DGKB: variants seen among roughly 807,000 people sequenced by gnomAD.
DGKB encodes diacylglycerol kinase beta.
In DGKB, 67 loss-of-function variants were observed where a neutral mutation model predicts 114.3. That is an observed-to-expected ratio of 0.59 (90% CI 0.48 to 0.72). The LOEUF (loss-of-function observed/expected upper bound fraction) is 0.72. Ranked by LOEUF, DGKB falls within the 30% of genes least tolerant of loss-of-function variation. DGKB has a pLI of 0.00. For missense variants in DGKB, 907 were observed against 975.2 expected (o/e 0.93, Z 0.93); for synonymous variants, 398 against 323.1 (o/e 1.23, Z -2.49).
At chr7:14,382,452 AC>A (rs1182274729) in intron 21 of DGKB, among the ~76,000 whole-genome samples, 2 of 19,076 alleles carry the variant, frequency 1.0e-4, no homozygotes, top group Non-Finnish European at 4.9e-4. Context: ...GCATGCCTGT[AC>A]ACACACACAC....
chr7:14,177,376 G>A (rs1297806599), intron 24 of DGKB, among the ~76,000 whole-genome samples: 2 of 151,814 alleles, frequency 1.3e-5, no homozygotes, highest in South Asian at 2.1e-4. Flanking sequence ...CCAACATGGT[G>A]AAACCCCATC....
chr7:14,164,485 G>A (rs929992613), intron 25 of DGKB, among the ~76,000 whole-genome samples: 15 of 152,214 alleles, frequency 9.9e-5, no homozygotes, highest in African/African-American at 3.6e-4. Context: ...AGATTCAAGA[G>A]TTATGTAACT....
At chr7:14,245,545 A>T (rs1165358964) in intron 23 of DGKB, among the ~76,000 whole-genome samples, 1 of 152,160 alleles carries the variant, frequency 6.6e-6, no homozygotes, top group Non-Finnish European at 1.5e-5. Flanking sequence ...TGGCAAGACT[A>T]ATGGTATAAT....
chr7:14,767,207 A>G (rs533363359), intron 2 of DGKB, among the ~76,000 whole-genome samples: 2 of 151,820 alleles, frequency 1.3e-5, no homozygotes, highest in East Asian at 1.9e-4. Flanking sequence ...AAAATAAAAA[A>G]TTAAAAAAAA....
chr7:14,527,730 T>C (rs1790871363), intron 20 of DGKB, among the ~76,000 whole-genome samples: 1 of 152,140 alleles, frequency 6.6e-6, no homozygotes, highest in Admixed American at 6.6e-5. Flanking sequence ...AGAATTATAA[T>C]GTTTATAAAA....
At chr7:14,247,619 G>A (rs548735366) in intron 23 of DGKB, among the ~76,000 whole-genome samples, 1 of 151,962 alleles carries the variant, frequency 6.6e-6, no homozygotes, top group East Asian at 1.9e-4. Flanking sequence ...GCATTTCTTC[G>A]CATATCTTTT....
chr7:14,313,420 A>C (rs536647740), intron 23 of DGKB, among the ~76,000 whole-genome samples: 57 of 151,834 alleles, frequency 3.8e-4, no homozygotes, highest in Middle Eastern at 6.8e-3. Flanking sequence ...GTGTGCGCAC[A>C]GTGCGCGAGC....
intron 1 of DGKB, among the ~76,000 whole-genome samples, chr7:14,971,545 C>T (rs558894339): frequency 2.6e-4 from 39 of 152,082 alleles, no homozygotes; most frequent in East Asian, 1.6e-3. Flanking sequence ...CATATTCTAA[C>T]GGCAAGACAG....
chr7:14,394,664 C>G (rs1254200719), intron 21 of DGKB, among the ~76,000 whole-genome samples: 1 of 63,956 alleles, frequency 1.6e-5, no homozygotes, highest in Non-Finnish European at 7.4e-5. Context: ...CCATCAATGA[C>G]CATTTTTTTT....
At chr7:14,244,382 C>T (rs10215549) in intron 23 of DGKB, among the ~76,000 whole-genome samples, 74 of 152,112 alleles carry the variant, frequency 4.9e-4, no homozygotes, top group African/African-American at 1.5e-3. Context: ...GCTGGCCGGG[C>T]GCGGTGGCTC....
chr7:14,783,694 T>C (rs1254252467), intron 2 of DGKB, among the ~76,000 whole-genome samples: 2 of 152,190 alleles, frequency 1.3e-5, no homozygotes, highest in Non-Finnish European at 2.9e-5. Context: ...AATTTGGCAA[T>C]TACCTTTCTC....
At chr7:14,656,117 G>T (rs557252385) in intron 13 of DGKB, among the ~76,000 whole-genome samples, 1 of 151,590 alleles carries the variant, frequency 6.6e-6, no homozygotes, top group Non-Finnish European at 1.5e-5. Context: ...TTTCATACAG[G>T]CATCAAAATA....
chr7:14,416,921 G>A (rs897065841), intron 21 of DGKB, among the ~76,000 whole-genome samples: 16 of 152,004 alleles, frequency 1.1e-4, no homozygotes, highest in African/African-American at 3.1e-4. Context: ...TGCCTTCAAT[G>A]AACAAGATTG....
chr7:14,704,761 G>C (rs538618152), intron 6 of DGKB, among the ~76,000 whole-genome samples: 3 of 152,238 alleles, frequency 2.0e-5, no homozygotes, highest in African/African-American at 7.2e-5. Context: ...TGAGGGTCCT[G>C]TCTGTTAGAA....
intron 2 of DGKB, among the ~76,000 whole-genome samples, chr7:14,759,778 G>C (rs988192397): frequency 2.0e-5 from 3 of 152,106 alleles, no homozygotes; most frequent in Non-Finnish European, 4.4e-5. Flanking sequence ...ATACCTGATA[G>C]TAAAATTGCC....
chr7:14,522,629 T>C (rs1789974684), intron 20 of DGKB, among the ~76,000 whole-genome samples: 1 of 152,154 alleles, frequency 6.6e-6, no homozygotes, highest in Non-Finnish European at 1.5e-5. Context: ...GATGGGAGCA[T>C]GCCCAGGAAA....
chr7:14,811,766 T>C (rs1424197075), intron 2 of DGKB, among the ~76,000 whole-genome samples: 1 of 151,964 alleles, frequency 6.6e-6, no homozygotes, highest in Admixed American at 6.6e-5. Context: ...GGTAAGTAAA[T>C]ATATATATGT....
intron 21 of DGKB, among the ~76,000 whole-genome samples, chr7:14,439,057 A>G (rs1829687993): frequency 6.6e-6 from 1 of 151,748 alleles, no homozygotes; most frequent in Admixed American, 6.6e-5. Context: ...ACATAGCCAG[A>G]TGAAATATCT....
At chr7:14,210,765 G>T (rs1414016458) in intron 23 of DGKB, among the ~76,000 whole-genome samples, 2 of 152,166 alleles carry the variant, frequency 1.3e-5, no homozygotes, top group African/African-American at 4.8e-5. Flanking sequence ...CAGTGGGATT[G>T]CTTTAGCAGT....
Sources: allele counts gnomAD v4.1 joint callset (sites outside exome capture counted in the v4.1 genomes callset), GRCh38; gene constraint gnomAD v4.1.1; transcripts MANE v1.5; gene names NCBI Gene and HGNC (gene_info 2026-07-23, HGNC 2026-07-21).